The following DSC3 variants were observed in gnomAD, a reference collection of about 807,000 sequenced individuals.
DSC3 encodes desmocollin-3.
Under a neutral mutation model 89.5 loss-of-function variants are expected in DSC3, and 97 were observed. That is an observed-to-expected ratio of 1.08 (90% CI 0.92 to 1.28). DSC3 has a LOEUF of 1.28. Among genes scored for constraint, DSC3 ranks in the 50% most tolerant of loss-of-function variants. The probability of loss-of-function intolerance (pLI) is 0.00; values close to 1 mark genes in which losing one functional copy is unlikely to be tolerated. For synonymous variants in DSC3, 436 were observed against 384.1 expected, an observed-to-expected ratio of 1.14 and a Z score of -1.58; for missense variants, 1,199 against 1,085.3, an observed-to-expected ratio of 1.10 and a Z score of -1.47.
At chr18:31,020,225 A>G (rs1985372483) in intron 7 of DSC3, among the ~76,000 whole-genome samples, 1 of 152,146 alleles carries the variant, frequency 6.6e-6, no homozygotes, top group Admixed American at 6.5e-5. Flanking sequence ...GGTTGAAATT[A>G]TGGCAGGAAT....
intron 1 of DSC3, among the ~76,000 whole-genome samples, chr18:31,038,696 A>G (rs1179642126): frequency 6.6e-6 from 1 of 152,102 alleles, no homozygotes; most frequent in African/African-American, 2.4e-5. Flanking sequence ...TATTATAAAT[A>G]CCAAAGATTA....
At chr18:31,028,266 A>G (rs920402028) in intron 4 of DSC3, among the ~76,000 whole-genome samples, 3 of 152,108 alleles carry the variant, frequency 2.0e-5, no homozygotes, top group Non-Finnish European at 4.4e-5. Flanking sequence ...CGAAGGAGTG[A>G]TCAATGAAGT....
intron 9 of DSC3, among the ~76,000 whole-genome samples, chr18:31,009,232 T>A (rs976073730): frequency 6.9e-6 from 1 of 145,016 alleles, no homozygotes; most frequent in Non-Finnish European, 1.5e-5. Context: ...TGTATTTTTT[T>A]CTTTAGTAAA....
chr18:31,001,216 G>C (rs938206729), intron 14 of DSC3, among the ~76,000 whole-genome samples: 2 of 150,658 alleles, frequency 1.3e-5, no homozygotes, highest in Non-Finnish European at 3.0e-5. Context: ...CTTTCTTTTA[G>C]ATATATCTCA....
chr18:31,030,203 C>T (rs922903436), intron 3 of DSC3, among the ~76,000 whole-genome samples: 5 of 152,190 alleles, frequency 3.3e-5, no homozygotes, highest in African/African-American at 1.2e-4. Context: ...TAATATTGAG[C>T]TGTCATATCA....
rs186116908 is a variant in DSC3, at chr18:31,008,118, C to T, written c.1561G>A (p.Asp521Asn). 4.5e-5 allele frequency: 73 copies of T among 1,612,432 alleles called. No homozygotes were observed. In the Middle Eastern group the frequency reaches 5.0e-4, roughly 11 times the overall value. Reference sequence around the variant, plus strand: ...GTTATGATTGACCCTGAAATTTCATCAATGGTGATCCAACCTTTAGGATCA... The same window carrying T: ...GTTATGATTGACCCTGAAATTTCATTAATGGTGATCCAACCTTTAGGATCA... ...LHDPKGWITI[D>N]EISGSIITSK... Residue 521 changes from aspartate to asparagine, a missense_variant, in exon 11 of 16, where the codon GAT becomes AAT. Transcript: ENST00000360428.
chr18:31,007,189 A>G (rs1984877431), intron 11 of DSC3, 58 bp from the exon 12 acceptor site: 1 of 1,280,728 alleles, frequency 7.8e-7, no homozygotes. Flanking sequence ...AGTTTCTTAA[A>G]GAATAAAAAG....
chr18:31,030,493 A>C (rs1380497309), intron 3 of DSC3, among the ~76,000 whole-genome samples: 1 of 152,196 alleles, frequency 6.6e-6, no homozygotes, highest in Non-Finnish European at 1.5e-5. Flanking sequence ...GCAGTAAAAA[A>C]ATTCTGAGTT....
At chr18:31,034,058 C>G (rs1985892140) in intron 1 of DSC3, among the ~76,000 whole-genome samples, 1 of 152,182 alleles carries the variant, frequency 6.6e-6, no homozygotes. Flanking sequence ...ATCTCCTGAC[C>G]TCGTGATCCG....
rs976511703 is a variant in DSC3 at position 30,990,044 on chromosome 18, T to C, written c.*4131A>G. On this transcript the variant is annotated 3_prime_UTR_variant, in exon 16 of 16. Coordinates refer to ENST00000360428, the MANE Select transcript of DSC3 (RefSeq NM_001941.5). ...ATTATATATATGCACAAACTTTATT[T>C]CCCTAAAAAGAGATGAGATATTGTT... The C allele has an allele frequency of 6.6e-6, 1 of 152,194 alleles. No homozygotes were observed. The highest frequency in any genetic ancestry group is 2.4e-5 in the African/African-American group (1 of 41,444). The allele number at this position is 152,194 out of a possible 1,614,324, so 9.4% of individuals were successfully genotyped here. A position where few individuals can be genotyped will look rare whatever the true frequency, so the allele number is the denominator to read the frequency against.
chr18:31,042,526 G>A (rs749920362), intron 1 of DSC3, 66 bp downstream of exon 1: 32 of 1,475,694 alleles, frequency 2.2e-5, no homozygotes, highest in Non-Finnish European at 2.8e-5. Context: ...CCCCAGCTCC[G>A]TGCAGCGTCC....
intron 3 of DSC3, among the ~76,000 whole-genome samples, chr18:31,030,455 T>A (rs1233498410): frequency 1.3e-5 from 2 of 152,328 alleles, no homozygotes; most frequent in Middle Eastern, 3.4e-3. Context: ...ACTACTTTCA[T>A]AATGGCATTC....
At chr18:31,019,133 G>A (rs1235666596) in intron 7 of DSC3, among the ~76,000 whole-genome samples, 4 of 152,202 alleles carry the variant, frequency 2.6e-5, no homozygotes, top group African/African-American at 7.2e-5. Context: ...GTCTCATACC[G>A]TCACCCAGGC....
chr18:30,994,431 A>G (rs1386452757), intron 15 of DSC3, 59 bp from the exon 16 acceptor site: 5 of 1,589,314 alleles, frequency 3.1e-6, no homozygotes, highest in African/African-American at 1.4e-5. Context: ...AAATATATGA[A>G]CATAAAATTT....
chr18:31,015,244 A>C (rs532106402), intron 9 of DSC3, among the ~76,000 whole-genome samples: 78 of 152,214 alleles, frequency 5.1e-4, no homozygotes, highest in Non-Finnish European at 9.4e-4. Context: ...TGAACCAAAA[A>C]CAAAGCAGTA....
intron 12 of DSC3, 78 bp from the exon 13 acceptor site, chr18:31,004,444 T>C: frequency 3.0e-6 from 4 of 1,339,618 alleles, no homozygotes; most frequent in Non-Finnish European, 4.2e-6. Context: ...ACGCTTGTTT[T>C]TGAAGGCGTC....
chr18:31,009,828 G>A (rs1984996262), intron 9 of DSC3, among the ~76,000 whole-genome samples: 1 of 152,174 alleles, frequency 6.6e-6, no homozygotes, highest in Admixed American at 6.5e-5. Context: ...TGAATTTGAA[G>A]CCAGGTAGTC....
chr18:31,034,671 T>C (rs569516536), intron 1 of DSC3, among the ~76,000 whole-genome samples: 2 of 152,326 alleles, frequency 1.3e-5, no homozygotes, highest in African/African-American at 2.4e-5. Flanking sequence ...TTAAGTTCTA[T>C]GCATGCTACA....
At position 31,030,840 on chromosome 18, in the gene DSC3, G is replaced by T. The variant is rs771762046; in HGVS notation, c.354+133C>A. ...AGGAAAAGGGTAAGAAAATGGAAAC[G>T]AAGTGAAAGGAAAGGAAACAAAATG... On this transcript the variant is annotated intron_variant, in intron 3 of 15. Transcript: ENST00000360428. 4.9e-6 allele frequency: 4 copies of T among 815,072 alleles called. No homozygotes were observed. In the African/African-American group the frequency reaches 6.9e-5, roughly 14 times the overall value. The allele number at this position is 815,072 out of a possible 1,614,324, so 50.5% of individuals were successfully genotyped here. A position where few individuals can be genotyped will look rare whatever the true frequency, so the allele number is the denominator to read the frequency against.
Sources: allele counts gnomAD v4.1 joint callset (sites outside exome capture counted in the v4.1 genomes callset), GRCh38; gene constraint gnomAD v4.1.1; transcripts MANE v1.5; gene names NCBI Gene and HGNC (gene_info 2026-07-23, HGNC 2026-07-21).